Variants in TMOD2 observed in about 807,000 individuals in gnomAD.
TMOD2 encodes the protein tropomodulin-2.
TMOD2 carries 22 observed loss-of-function variants against 39.9 expected under a neutral mutation model. That is an observed-to-expected ratio of 0.55 (90% CI 0.39 to 0.79). The LOEUF is 0.79. TMOD2 is among the 30% of genes least tolerant of loss of function. The pLI, the probability that TMOD2 is intolerant of heterozygous loss-of-function variation, is 0.00. For missense variants in TMOD2, 386 were observed against 413.3 expected (o/e 0.93, Z 0.57); for synonymous variants, 123 against 146.1 (o/e 0.84, Z 1.14).
chr15:51,756,600 GTTC>G (rs1376386425), intron 1 of TMOD2: 2 of 152,236 alleles, frequency 1.3e-5, no homozygotes, highest in Non-Finnish European at 2.9e-5. Flanking sequence ...AGTCTTCTGT[GTTC>G]TTCTAACCTT....
chr15:51,815,966 T>C lies in TMOD2; in HGVS notation c.*7512T>C, dbSNP rs1428253906. ...CAACATTTATTGGGCTAAGCAGTTA[T>C]TGAAAACTCCGCATAGTTTTATTTT... is the stretch of plus-strand genomic sequence containing the variant. On this transcript the variant is annotated 3_prime_UTR_variant, in exon 10 of 10. Coordinates refer to ENST00000249700, the MANE Select transcript of TMOD2 (RefSeq NM_014548.4). 2.0e-5 allele frequency: 3 copies of C among 152,234 alleles called. No individual in the cohort carries two copies. The highest frequency in any genetic ancestry group is 1.9e-4 in the East Asian group (1 of 5,206). 9.4% of individuals were successfully genotyped at this position (152,234 alleles called of 1,614,324 possible).
At chr15:51,771,010 T>C (rs185858357) in intron 3 of TMOD2, among the ~76,000 whole-genome samples, 141 of 152,332 alleles carry the variant, frequency 9.3e-4, no homozygotes, top group African/African-American at 3.2e-3. Context: ...AAAGCTGTTA[T>C]CTTTTGTTCT....
At chr15:51,778,813 C>T (rs1204121919) in intron 5 of TMOD2, among the ~76,000 whole-genome samples, 1 of 151,890 alleles carries the variant, frequency 6.6e-6, no homozygotes, top group Non-Finnish European at 1.5e-5. Context: ...TGCCACCACA[C>T]CCAACTAATT....
At chr15:51,805,798 C>A (rs1402694681) in intron 8 of TMOD2, among the ~76,000 whole-genome samples, 2 of 151,934 alleles carry the variant, frequency 1.3e-5, no homozygotes, top group Non-Finnish European at 2.9e-5. Flanking sequence ...AAATTAAAAA[C>A]ATTTTATAAA....
chr15:51,779,779 C>A (rs2055917037), intron 5 of TMOD2, among the ~76,000 whole-genome samples: 1 of 152,030 alleles, frequency 6.6e-6, no homozygotes, highest in Non-Finnish European at 1.5e-5. Flanking sequence ...CTCCTGGGAT[C>A]AAGGGATTCT....
chr15:51,808,391 G>A (rs1209708758), intron 9 of TMOD2, 29 bp from the exon 10 acceptor site: 1 of 1,599,168 alleles, frequency 6.3e-7, no homozygotes, highest in Admixed American at 1.7e-5. Flanking sequence ...CCTTCAATTT[G>A]TCTTTTTGTT....
rs372778428 is a variant in TMOD2 at position 51,800,889 on chromosome 15, G to A, written c.876+2549G>A. On this transcript the variant is annotated intron_variant, in intron 8 of 9. Transcript: ENST00000249700. ...CCCAGCTAATTTTTAAATTTTTGTA[G>A]AGACAGGGTCTCACTATATTTCCCA... Among the ~76,000 whole-genome samples the A allele has an allele frequency of 2.6e-5, 4 of 152,062 alleles. 1 individual carries two copies. The East Asian group carries it at 7.7e-4, about 29-fold the overall frequency.
rs2141648078 is a variant in TMOD2, at chr15:51,809,666, A to G, written c.*1212A>G. 6.6e-6 allele frequency: 1 copy of G among 152,362 alleles called. No homozygotes were observed. Among genetic ancestry groups the G allele is most frequent in the African/African-American group, 2.4e-5 (1 of 41,582 alleles). The allele number at this position is 152,362 out of a possible 1,614,324, so 9.4% of individuals were successfully genotyped here. On this transcript the variant is annotated 3_prime_UTR_variant, in exon 10 of 10. Coordinates refer to ENST00000249700, the MANE Select transcript of TMOD2 (RefSeq NM_014548.4). ...CAAGCTCACAACTCTGATAACTGTC[A>G]GTGCCTGAGGTTGTGATTGGTGACA...
At chr15:51,771,598 A>G (rs1418338932) in intron 3 of TMOD2, among the ~76,000 whole-genome samples, 1 of 152,188 alleles carries the variant, frequency 6.6e-6, no homozygotes, top group African/African-American at 2.4e-5. Flanking sequence ...CCAGAAGGTC[A>G]AGGTTACAGT....
intron 3 of TMOD2, 112 bp from the exon 4 acceptor site, chr15:51,773,600 C>G (rs554917885): frequency 9.2e-7 from 1 of 1,082,736 alleles, no homozygotes; most frequent in African/African-American, 1.6e-5. Flanking sequence ...TGGATATGAA[C>G]TGGCTTAATT....
At chr15:51,798,436 G>A in intron 8 of TMOD2, 96 bp downstream of exon 8, 2 of 1,421,422 alleles carry the variant, frequency 1.4e-6, no homozygotes, top group Non-Finnish European at 1.9e-6. Flanking sequence ...ACAGTTCTGT[G>A]TGTGACTCAA....
chr15:51,799,714 G>A (rs1171581679), intron 8 of TMOD2, among the ~76,000 whole-genome samples: 1 of 152,170 alleles, frequency 6.6e-6, no homozygotes, highest in Non-Finnish European at 1.5e-5. Flanking sequence ...ATTAGAAAGT[G>A]GCATCAGGGT....
chr15:51,754,560 T>C (rs1248977098), intron 1 of TMOD2, among the ~76,000 whole-genome samples: 3 of 152,252 alleles, frequency 2.0e-5, no homozygotes, highest in African/African-American at 4.8e-5. Flanking sequence ...GGATTATATG[T>C]GTTTATGTAT....
At chr15:51,776,862 G>T in intron 4 of TMOD2, 70 bp from the exon 5 acceptor site, 2 of 1,262,508 alleles carry the variant, frequency 1.6e-6, no homozygotes, top group Non-Finnish European at 2.3e-6. Flanking sequence ...TTCTTCAAGG[G>T]ACAAATTAAC....
Position 51,794,507 on chromosome 15 carries a change from G to C in TMOD2, c.733-3690G>C, listed in dbSNP as rs533344288. On this transcript the variant is annotated intron_variant, in intron 7 of 9. Coordinates refer to ENST00000249700, the MANE Select transcript of TMOD2 (RefSeq NM_014548.4). The stretch of plus-strand genomic sequence containing the variant: ...AGGCAGGAGGATCACTTAAAGCCAG[G>C]AGTTCGAGACCAGCCTGGGCAACAT... Among the ~76,000 whole-genome samples, 10 of 152,234 alleles carry C rather than the reference G, an allele frequency of 6.6e-5. No homozygotes were observed. The East Asian group carries it at 1.9e-3, about 29-fold the overall frequency.
At chr15:51,758,291 G>T (rs993163846) in intron 1 of TMOD2, among the ~76,000 whole-genome samples, 1 of 152,130 alleles carries the variant, frequency 6.6e-6, no homozygotes, top group Non-Finnish European at 1.5e-5. Flanking sequence ...ACTGAAGTAT[G>T]ACATGGCACT....
chr15:51,792,597 A>G (rs2056020007), intron 7 of TMOD2, among the ~76,000 whole-genome samples: 1 of 152,244 alleles, frequency 6.6e-6, no homozygotes, highest in Non-Finnish European at 1.5e-5. Flanking sequence ...CACAATAGTA[A>G]AGACTTGGAA....
In TMOD2 at chr15:51,812,484, C is replaced by G. The variant is rs2056162525; in HGVS notation, c.*4030C>G. 1 of 152,194 alleles carries G rather than the reference C, an allele frequency of 6.6e-6. No individual in the cohort carries two copies. Among genetic ancestry groups the G allele is most frequent in the Admixed American group, 6.5e-5 (1 of 15,286 alleles). 9.4% of individuals were successfully genotyped at this position (152,194 alleles called of 1,614,324 possible). On this transcript the variant is annotated 3_prime_UTR_variant, in exon 10 of 10. Coordinates refer to ENST00000249700, the MANE Select transcript of TMOD2 (RefSeq NM_014548.4). Reference sequence around the variant, plus strand: ...TTACAAACACATGTGCAGCTATTTCCTTCTTCACAGATATGATGTACTCAG... The same window carrying G: ...TTACAAACACATGTGCAGCTATTTCGTTCTTCACAGATATGATGTACTCAG...
intron 6 of TMOD2, 48 bp from the exon 7 acceptor site, chr15:51,782,673 G>C (rs371199023): frequency 1.7e-5 from 24 of 1,429,018 alleles, no homozygotes; most frequent in African/African-American, 1.3e-4. Context: ...CTTGGCAAGA[G>C]TGTGCCATAC....
Sources: allele counts gnomAD v4.1 joint callset (sites outside exome capture counted in the v4.1 genomes callset), GRCh38; gene constraint gnomAD v4.1.1; transcripts MANE v1.5; gene names NCBI Gene and HGNC (gene_info 2026-07-23, HGNC 2026-07-21).